Variants in SH3PXD2A observed in about 807,000 individuals in gnomAD.
The protein encoded by SH3PXD2A is SH3 and PX domains 2A.
A neutral mutation model predicts 115.2 loss-of-function variants in SH3PXD2A; 32 were observed. That is an observed-to-expected ratio of 0.28 (90% confidence interval 0.21 to 0.37). The LOEUF is 0.37. Ranked by LOEUF, SH3PXD2A falls within the 10% of genes least tolerant of loss-of-function variation. The pLI, the probability that SH3PXD2A is intolerant of heterozygous loss-of-function variation, is 1.00. For missense variants in SH3PXD2A, 1,328 were observed against 1,498.7 expected (o/e 0.89, Z 1.88); for synonymous variants, 610 against 629.1 (o/e 0.97, Z 0.45).
At chr10:103,834,859 C>T (rs1478004709) in intron 1 of SH3PXD2A, among the ~76,000 whole-genome samples, 1 of 152,236 alleles carries the variant, frequency 6.6e-6, no homozygotes, top group African/African-American at 2.4e-5. Flanking sequence ...CCTGTAACCA[C>T]TATGTGGGCC....
intron 2 of SH3PXD2A, among the ~76,000 whole-genome samples, chr10:103,789,228 G>A (rs1323302119): frequency 6.6e-6 from 1 of 152,156 alleles, no homozygotes; most frequent in Non-Finnish European, 1.5e-5. Flanking sequence ...CCAGATCGAA[G>A]CTGCCCCCAC....
chr10:103,611,563 G>A lies in SH3PXD2A; in HGVS notation c.1308+18C>T. 6.2e-7 allele frequency: 1 copy of A among 1,611,060 alleles called. No homozygotes were observed. The highest frequency in any genetic ancestry group is 8.5e-7 in the Non-Finnish European group (1 of 1,177,190). On this transcript the variant is annotated intron_variant, in intron 13 of 14. Coordinates refer to ENST00000369774, the MANE Select transcript of SH3PXD2A (RefSeq NM_001394015.1). ...ACAGAAAAGGAAGGAAAGGGGAGAA[G>A]AAATTCAGTACACATACCAGGCTGG...
rs929566417 is a variant in SH3PXD2A, at chr10:103,756,512, C to T, written c.229+10582G>A. On this transcript the variant is annotated intron_variant, in intron 3 of 14. Coordinates refer to ENST00000369774, the MANE Select transcript of SH3PXD2A (RefSeq NM_001394015.1). The surrounding 1 kb of genome is among the most constrained non-coding windows in gnomAD (Gnocchi z 4.4). ...AAACCTGGACCCAGAAACCAGAGTG[C>T]CCAGTGCCCAGAGGCTCCTGGGGAG... Among the ~76,000 whole-genome samples, 1 of 152,140 alleles carries T rather than the reference C, an allele frequency of 6.6e-6. No individual in the cohort carries two copies. The highest frequency in any genetic ancestry group is 6.5e-5 in the Admixed American group (1 of 15,280).
rs1018712885 is a variant in SH3PXD2A, at chr10:103,602,593, G to A, written c.2625C>T (p.Ser875=). 1.2e-5 allele frequency: 20 copies of A among 1,614,064 alleles called. No individual in the cohort carries two copies. The highest frequency in any genetic ancestry group is 2.2e-5 in the East Asian group (1 of 44,866). The change falls in exon 15 of 15, where the codon AGC becomes AGT. Residue 875 remains serine, a synonymous_variant. Transcript: ENST00000369774. ...VEVQVLEKQE[S]GWWYVRFGEL... is the part of the protein sequence containing the mutation. ...CCCCAAACCTCACATACCACCACCC[G>A]CTCTCCTGCTTCTCCAGCACCTGCA...
rs974703420 is a variant in SH3PXD2A at position 103,611,513 on chromosome 10, T to C, written c.1308+68A>G. On this transcript the variant is annotated intron_variant, in intron 13 of 14. Transcript: ENST00000369774. ...AGAGGCTCTGCCGCAAGATAGCCAA[T>C]TGATCGGGTGGCTATAGCGCATTCA... 8 of 1,377,762 alleles carry C rather than the reference T, an allele frequency of 5.8e-6. No individual in the cohort carries two copies. In the African/African-American group the frequency reaches 7.1e-5, roughly 12 times the overall value. 85.3% of individuals were successfully genotyped at this position (1,377,762 alleles called of 1,614,324 possible).
intron 6 of SH3PXD2A, among the ~76,000 whole-genome samples, chr10:103,692,135 T>C (rs905422221): frequency 6.6e-6 from 1 of 152,170 alleles, no homozygotes; most frequent in Non-Finnish European, 1.5e-5. Flanking sequence ...CACGGATCGC[T>C]GCAGCAGTCT....
At chr10:103,764,372 A>T (rs981143185) in intron 3 of SH3PXD2A, among the ~76,000 whole-genome samples, 2 of 152,050 alleles carry the variant, frequency 1.3e-5, no homozygotes, top group African/African-American at 4.8e-5. Context: ...AGTCCTGGAG[A>T]GTGAGTGAGC....
chr10:103,607,593 C>A (rs1249256881), intron 13 of SH3PXD2A, among the ~76,000 whole-genome samples: 1 of 152,076 alleles, frequency 6.6e-6, no homozygotes, highest in Non-Finnish European at 1.5e-5. Flanking sequence ...TCTGCCCGGC[C>A]GCCCCTACTG....
intron 13 of SH3PXD2A, chr10:103,609,655 C>A (rs145918447): frequency 3.9e-5 from 6 of 152,316 alleles, no homozygotes; most frequent in Admixed American, 1.3e-4. Flanking sequence ...AAATGGACAA[C>A]CCCCTGCCCT....
At chr10:103,810,721 G>A (rs975784842) in intron 1 of SH3PXD2A, among the ~76,000 whole-genome samples, 2 of 152,082 alleles carry the variant, frequency 1.3e-5, no homozygotes, top group Admixed American at 1.3e-4. Context: ...AGACACTCAG[G>A]AAGTGAACTG....
intron 6 of SH3PXD2A, among the ~76,000 whole-genome samples, chr10:103,675,906 G>A (rs553050864): frequency 6.6e-6 from 1 of 152,288 alleles, no homozygotes; most frequent in East Asian, 1.9e-4. Flanking sequence ...AGGCATAGTG[G>A]TGCATGCCTG....
At chr10:103,761,342 G>A (rs2038697642) in intron 3 of SH3PXD2A, among the ~76,000 whole-genome samples, 1 of 152,108 alleles carries the variant, frequency 6.6e-6, no homozygotes. Flanking sequence ...GAATTGGAGG[G>A]GGGAATGTAG....
intron 8 of SH3PXD2A, among the ~76,000 whole-genome samples, chr10:103,646,647 A>G (rs1259920493): frequency 6.6e-6 from 1 of 152,206 alleles, no homozygotes; most frequent in Non-Finnish European, 1.5e-5. Context: ...GGGCAACTGT[A>G]TGTGTCCCCT....
At chr10:103,751,057 G>A (rs2038572833) in intron 3 of SH3PXD2A, among the ~76,000 whole-genome samples, 1 of 152,202 alleles carries the variant, frequency 6.6e-6, no homozygotes, top group African/African-American at 2.4e-5. Context: ...CCAATAGAAT[G>A]CAGAGTATGC....
At chr10:103,794,223 G>C (rs937176625) in intron 2 of SH3PXD2A, among the ~76,000 whole-genome samples, 4 of 152,176 alleles carry the variant, frequency 2.6e-5, no homozygotes, top group African/African-American at 9.7e-5. Context: ...ATAAGGAATA[G>C]AGAGAAAAGC....
At chr10:103,750,233 T>A (rs2038559813) in intron 3 of SH3PXD2A, among the ~76,000 whole-genome samples, 1 of 152,134 alleles carries the variant, frequency 6.6e-6, no homozygotes, top group African/African-American at 2.4e-5. Context: ...AAAAAATTTC[T>A]TGTAGAGATG....
chr10:103,633,727 C>CAAAAAAAAAAAAAAAAAAAAAAAAAA (rs35917262), intron 8 of SH3PXD2A, among the ~76,000 whole-genome samples: 1 of 74,320 alleles, frequency 1.3e-5, no homozygotes, highest in African/African-American at 5.2e-5. Context: ...GATTCTGTCT[C>CAAAAAAAAAAAAAAAAAAAAAAAAAA]AAAAAAAAAA....
At position 103,661,104 on chromosome 10, in the gene SH3PXD2A, G is replaced by A. The variant is rs754811366; in HGVS notation, c.483C>T (p.Ala161=). ...GTTCCAGGATCATGGGCTCGGCGGT[G>A]GCGTCGGCACCTGGCGAGGGCAGAA... ...SPKKDVTGAD[A]TAEPMILEQY... The change falls in exon 8 of 15, where the codon GCC becomes GCT. Residue 161 remains alanine (A), a synonymous_variant. Coordinates refer to ENST00000369774, the MANE Select transcript of SH3PXD2A (RefSeq NM_001394015.1). The A allele has an allele frequency of 4.3e-6, 7 of 1,613,194 alleles. No individual in the cohort carries two copies. The highest frequency in any genetic ancestry group is 4.5e-5 in the East Asian group (2 of 44,792).
intron 7 of SH3PXD2A, chr10:103,661,690 G>C (rs1006956471): frequency 7.1e-6 from 7 of 985,334 alleles, no homozygotes; most frequent in Non-Finnish European, 8.4e-6. Flanking sequence ...AGGAGAGAGC[G>C]GGAGAGAGCT....
Sources: allele counts gnomAD v4.1 joint callset (sites outside exome capture counted in the v4.1 genomes callset), GRCh38; gene constraint gnomAD v4.1.1; non-coding constraint Gnocchi (gnomAD v3.1); transcripts MANE v1.5; gene names NCBI Gene and HGNC (gene_info 2026-07-23, HGNC 2026-07-21).